The following ZDHHC23 variants were observed in gnomAD, a reference collection of about 807,000 sequenced individuals.
ZDHHC23 encodes the protein zDHHC palmitoyltransferase 23.
Under a neutral mutation model 40.2 loss-of-function variants are expected in ZDHHC23, and 41 were observed. The ratio of observed to expected loss-of-function variants is 1.02; its 90% CI spans 0.79 to 1.32. The LOEUF (loss-of-function observed/expected upper bound fraction) is 1.32. ZDHHC23 is among the 40% of genes most tolerant of loss of function. The probability of loss-of-function intolerance (pLI) is 0.00; values close to 1 mark genes in which losing one functional copy is unlikely to be tolerated. For synonymous variants in ZDHHC23, 204 were observed against 210.2 expected (o/e 0.97, Z 0.26); for missense variants, 471 against 541.5 (o/e 0.87, Z 1.29).
chr3:113,968,504 A>C (rs1940455826), downstream of ZDHHC23, among the ~76,000 whole-genome samples: 1 of 151,120 alleles, frequency 6.6e-6, no homozygotes, highest in Non-Finnish European at 1.5e-5. Flanking sequence ...GCTGGACTGT[A>C]GCAGTGTGAT....
chr3:113,978,170 A>G, the ZDHHC23 span: 1 of 1,613,520 alleles, frequency 6.2e-7, no homozygotes, highest in East Asian at 2.2e-5. Context: ...AATTTTCCTC[A>G]CTATCAAAAC....
the ZDHHC23 span, chr3:113,978,201 GC>G: frequency 1.2e-6 from 2 of 1,613,938 alleles, no homozygotes; most frequent in South Asian, 1.1e-5. Context: ...ACTGTGCTCC[GC>G]TGCAATCTCA....
chr3:113,962,224 T>C lies in ZDHHC23; in HGVS notation c.*3594T>C, dbSNP rs1939734219. The stretch of plus-strand genomic sequence containing the variant: ...TCCTAAACTCACTACTGAGTACGAT[T>C]CAGTATGTTCCTGTGGATGTCTGCT... On this transcript the variant is annotated 3_prime_UTR_variant, in exon 5 of 5. Coordinates refer to ENST00000638807, the MANE Select transcript of ZDHHC23 (RefSeq NM_001320466.2). 1 of 152,248 alleles carries C rather than the reference T, an allele frequency of 6.6e-6. No individual in the cohort carries two copies. Among genetic ancestry groups the C allele is most frequent in the African/African-American group, 2.4e-5 (1 of 41,462 alleles). The allele number at this position is 152,248 out of a possible 1,614,324, so 9.4% of individuals were successfully genotyped here.
chr3:113,966,916 T>C (rs772764538), downstream of ZDHHC23, among the ~76,000 whole-genome samples: 145 of 152,038 alleles, frequency 9.5e-4, no homozygotes, highest in African/African-American at 3.4e-3. Flanking sequence ...CTGGCCAACA[T>C]GGTGAAACCC....
At chr3:113,953,229 G>A (rs1045785106) in intron 2 of ZDHHC23, among the ~76,000 whole-genome samples, 2 of 152,150 alleles carry the variant, frequency 1.3e-5, no homozygotes, top group Non-Finnish European at 1.5e-5. Context: ...GTTGAGCACA[G>A]ATCCCACCTT....
Position 113,962,954 on chromosome 3 carries a change from G to A in ZDHHC23, c.*4324G>A, listed in dbSNP as rs1939796622. ...CGTCCTGTGACCAAGTTGTTTAAAT[G>A]GAAAATAAAGTGCTTTCTTTAAGGA... On this transcript the variant is annotated 3_prime_UTR_variant, in exon 5 of 5. Transcript: ENST00000638807. 1 of 152,158 alleles carries A rather than the reference G, an allele frequency of 6.6e-6. No individual in the cohort carries two copies. The highest frequency in any genetic ancestry group is 1.5e-5 in the Non-Finnish European group (1 of 68,030). 9.4% of individuals were successfully genotyped at this position (152,158 alleles called of 1,614,324 possible). A position where few individuals can be genotyped will look rare whatever the true frequency, so the allele number is the denominator to read the frequency against.
chr3:113,954,053 C>T lies in ZDHHC23; in HGVS notation c.515C>T (p.Ala172Val), dbSNP rs1338609910. 14 of 1,614,006 alleles carry T rather than the reference C, an allele frequency of 8.7e-6. No individual in the cohort carries two copies. Among genetic ancestry groups the T allele is most frequent in the African/African-American group, 5.3e-5 (4 of 74,906 alleles). The stretch of plus-strand genomic sequence containing the variant: ...GGGCGTGTGGGTCCCGTTCAGCTGG[C>T]GGTTCTTACCTGCGGGTTATTTCTG... ...PKGRVGPVQL[A>V]VLTCGLFLIL... Residue 172 changes from alanine to valine, a missense_variant, in exon 3 of 5, where the codon GCG becomes GTG. Around this residue, in one of 3 missense-constraint regions of ZDHHC23, gnomAD observed 346 missense variants for 399.8 expected, o/e 0.87. Coordinates refer to ENST00000638807, the MANE Select transcript of ZDHHC23 (RefSeq NM_001320466.2).
rs545455071 is a variant in ZDHHC23, at chr3:113,958,789, C to A, written c.*159C>A. ...AGTGGGAAGAAGTTAATTTTTCTGA[C>A]GCCACAACTTAAGAGACTTTTATAC... On this transcript the variant is annotated 3_prime_UTR_variant, in exon 5 of 5. Transcript: ENST00000638807. 1 of 1,520,190 alleles carries A rather than the reference C, an allele frequency of 6.6e-7. No homozygotes were observed. Among genetic ancestry groups the A allele is most frequent in the Non-Finnish European group, 8.8e-7 (1 of 1,131,612 alleles). 94.2% of individuals were successfully genotyped at this position (1,520,190 alleles called of 1,614,324 possible). A position where few individuals can be genotyped will look rare whatever the true frequency, so the allele number is the denominator to read the frequency against.
Position 113,958,559 on chromosome 3 carries a change from C to G in ZDHHC23, c.1237C>G (p.Leu413Val), listed in dbSNP as rs1303688934. ...VDTGQYNRGF[L>V]RNWHQFSTLG... ...CACAGGCCAGTACAATAGGGGCTTC[C>G]TGCGGAACTGGCACCAGTTCTCCAC... The change falls in exon 5 of 5, where the codon CTG becomes GTG. Residue 413 changes from leucine to valine, a missense_variant. By Grantham distance (32) the Leu-to-Val change is conservative (BLOSUM62 1). This residue lies in a region of ZDHHC23 where 346 missense variants were observed against 399.8 expected (regional missense o/e 0.87). Coordinates refer to ENST00000638807, the MANE Select transcript of ZDHHC23 (RefSeq NM_001320466.2). 1 of 1,611,140 alleles carries G rather than the reference C, an allele frequency of 6.2e-7. No individual in the cohort carries two copies.
intron 3 of ZDHHC23, among the ~76,000 whole-genome samples, chr3:113,955,391 TGC>T (rs937830416): frequency 4.0e-5 from 6 of 149,060 alleles, no homozygotes; most frequent in African/African-American, 1.2e-4. Context: ...TGTGTGTGTG[TGC>T]GTGTGTGTTC....
chr3:113,978,617 C>G, the ZDHHC23 span: 1 of 587,624 alleles, frequency 1.7e-6, no homozygotes, highest in South Asian at 2.5e-5. Flanking sequence ...AAAACAAAAG[C>G]TGATGGAATG....
chr3:113,965,332 T>C (rs151181828), downstream of ZDHHC23: 3 of 1,608,782 alleles, frequency 1.9e-6, no homozygotes, highest in East Asian at 2.2e-5. Flanking sequence ...ACTTCTTCCA[T>C]GTCCGAAGGG....
the ZDHHC23 span, chr3:113,979,159 T>A: frequency 2.7e-6 from 2 of 738,182 alleles, no homozygotes; most frequent in East Asian, 5.4e-5. Context: ...TCCTAAAAGC[T>A]TTGACTGTTG....
downstream of ZDHHC23, among the ~76,000 whole-genome samples, chr3:113,970,235 C>T (rs117105599): frequency 1.3e-5 from 2 of 152,066 alleles, no homozygotes; most frequent in African/African-American, 4.8e-5. Flanking sequence ...TTTGTCAGAT[C>T]TAACAGTTTT....
At chr3:113,956,016 G>A (rs930702299) in intron 3 of ZDHHC23, among the ~76,000 whole-genome samples, 2 of 152,170 alleles carry the variant, frequency 1.3e-5, no homozygotes, top group Non-Finnish European at 2.9e-5. Flanking sequence ...GGCTGAGGTG[G>A]GTGGATCATG....
chr3:113,950,244 C>T (rs933174928), intron 2 of ZDHHC23, among the ~76,000 whole-genome samples: 1 of 152,120 alleles, frequency 6.6e-6, no homozygotes, highest in African/African-American at 2.4e-5. Flanking sequence ...TAAACTCTAC[C>T]TTTTCTTACT....
the ZDHHC23 span, among the ~76,000 whole-genome samples, chr3:113,971,844 T>G: frequency 6.6e-6 from 1 of 152,124 alleles, no homozygotes; most frequent in Admixed American, 6.5e-5. Flanking sequence ...TAATTACAGC[T>G]TCAATCTCAT....
downstream of ZDHHC23, chr3:113,963,429 T>A (rs564270943): frequency 1.3e-5 from 2 of 151,958 alleles, no homozygotes; most frequent in Admixed American, 1.3e-4. Flanking sequence ...CTCAACCTTA[T>A]GTACAGGCTT....
At chr3:113,977,813 C>T in the ZDHHC23 span, among the ~76,000 whole-genome samples, 1 of 152,128 alleles carries the variant, frequency 6.6e-6, no homozygotes, top group Admixed American at 6.5e-5. Flanking sequence ...CTATATTTGT[C>T]GTACATTTCA....
Sources: allele counts gnomAD v4.1 joint callset (sites outside exome capture counted in the v4.1 genomes callset), GRCh38; gene constraint gnomAD v4.1.1; regional missense constraint gnomAD v4.1.1; transcripts MANE v1.5; gene names NCBI Gene and HGNC (gene_info 2026-07-23, HGNC 2026-07-21).